PTPRD: variants seen among roughly 807,000 people sequenced by gnomAD.
PTPRD encodes the protein protein tyrosine phosphatase receptor type D.
In PTPRD, 34 loss-of-function variants were observed where a neutral mutation model predicts 214.5. That is an observed-to-expected ratio of 0.16 (90% CI 0.12 to 0.21). The LOEUF (loss-of-function observed/expected upper bound fraction) is 0.21. Ranked by LOEUF, PTPRD falls within the 10% of genes least tolerant of loss-of-function variation. The probability of loss-of-function intolerance (pLI) is 1.00; values close to 1 mark genes in which losing one functional copy is unlikely to be tolerated. For synonymous variants in PTPRD, 1,128 were observed against 845.7 expected, an observed-to-expected ratio of 1.33 and a Z score of -5.79; for missense variants, 2,545 against 2,398.7, an observed-to-expected ratio of 1.06 and a Z score of -1.27.
rs1409506558 is a variant in PTPRD, at chr9:10,276,886, A to G, written c.-545+64077T>C. 2.6e-5 allele frequency among the ~76,000 whole-genome samples: 4 copies of G among 152,224 alleles called. No individual in the cohort carries two copies. The East Asian group carries it at 5.8e-4, about 22-fold the overall frequency. On this transcript the variant is annotated intron_variant, in intron 3 of 45. Coordinates refer to ENST00000381196, the MANE Select transcript of PTPRD (RefSeq NM_002839.4). ...TTCTCTGCTCTTCTTTGAGTACACA[A>G]ACTATACAAAGTTTGGTACAATCAG... is the stretch of plus-strand genomic sequence containing the variant.
intron 11 of PTPRD, among the ~76,000 whole-genome samples, chr9:8,848,860 G>C (rs1316234485): frequency 7.7e-6 from 1 of 130,364 alleles, no homozygotes; most frequent in South Asian, 2.4e-4. Context: ...TCTGTGAAAT[G>C]ATGATAATAA....
At chr9:9,509,944 A>G (rs187596465) in intron 8 of PTPRD, among the ~76,000 whole-genome samples, 126 of 151,768 alleles carry the variant, frequency 8.3e-4, no homozygotes, top group Middle Eastern at 3.4e-3. Flanking sequence ...TTCCATTTCC[A>G]ACTGGCTGCC....
chr9:9,705,143 T>A (rs1347335834), intron 7 of PTPRD, among the ~76,000 whole-genome samples: 1 of 152,214 alleles, frequency 6.6e-6, no homozygotes, highest in Non-Finnish European at 1.5e-5. Context: ...CATACTTGGC[T>A]GAATCTTTGC....
chr9:8,882,866 C>T (rs1407588255), intron 11 of PTPRD, among the ~76,000 whole-genome samples: 4 of 111,742 alleles, frequency 3.6e-5, no homozygotes, highest in South Asian at 3.1e-4. Context: ...GCCTGGGTGA[C>T]GGAGCAAGGC....
rs543074497 is a variant in PTPRD, at chr9:10,510,898, C to G, written c.-600+101500G>C. 2.2e-4 allele frequency among the ~76,000 whole-genome samples: 33 copies of G among 152,272 alleles called. No individual in the cohort carries two copies. The East Asian group carries it at 5.4e-3, about 25-fold the overall frequency. ...CCTCTGGTAATCACCATTCTATTCA[C>G]TACCTCCATGAGATGAATACTTTTA... On this transcript the variant is annotated intron_variant, in intron 2 of 45. Coordinates refer to ENST00000381196, the MANE Select transcript of PTPRD (RefSeq NM_002839.4).
At chr9:8,790,918 C>T (rs1222664622) in intron 11 of PTPRD, among the ~76,000 whole-genome samples, 1 of 152,192 alleles carries the variant, frequency 6.6e-6, no homozygotes, top group Non-Finnish European at 1.5e-5. Context: ...TCAACCGCCA[C>T]GTGTGGTTAC....
chr9:8,503,971 A>T (rs1264059264), intron 23 of PTPRD, among the ~76,000 whole-genome samples: 1 of 152,224 alleles, frequency 6.6e-6, no homozygotes, highest in Admixed American at 6.5e-5. Context: ...GTAATTCATT[A>T]AACAGGGCTT....
chr9:9,549,347 A>G (rs1287746888), intron 8 of PTPRD, among the ~76,000 whole-genome samples: 3 of 152,094 alleles, frequency 2.0e-5, no homozygotes, highest in Non-Finnish European at 4.4e-5. Context: ...AGACAATCCA[A>G]TTTTTAAATG....
chr9:9,377,176 T>C (rs1010903849), intron 9 of PTPRD, among the ~76,000 whole-genome samples: 8 of 152,090 alleles, frequency 5.3e-5, no homozygotes, highest in African/African-American at 1.9e-4. Flanking sequence ...CATAAACTAA[T>C]CATGTATGCA....
chr9:9,324,161 T>G (rs1203383725), intron 9 of PTPRD, among the ~76,000 whole-genome samples: 1 of 152,230 alleles, frequency 6.6e-6, no homozygotes, highest in African/African-American at 2.4e-5. Flanking sequence ...CGTGTGCATG[T>G]GTCTTTATAG....
chr9:8,615,254 C>A (rs189927060), intron 14 of PTPRD, among the ~76,000 whole-genome samples: 5 of 152,030 alleles, frequency 3.3e-5, no homozygotes, highest in Admixed American at 6.6e-5. Context: ...TGGGAGCCCA[C>A]GGCTCAGAGA....
At chr9:10,338,916 C>G (rs1289700332) in intron 3 of PTPRD, among the ~76,000 whole-genome samples, 1 of 150,808 alleles carries the variant, frequency 6.6e-6, no homozygotes, top group African/African-American at 2.4e-5. Flanking sequence ...TAAAGAGGAC[C>G]TGGGGTCATA....
chr9:8,543,153 A>T (rs142181639), intron 14 of PTPRD, among the ~76,000 whole-genome samples: 202 of 152,324 alleles, frequency 1.3e-3, no homozygotes, highest in African/African-American at 4.5e-3. Context: ...ATAAGATGAT[A>T]CTCAGAAGCG....
At chr9:10,418,472 C>A (rs542066386) in intron 2 of PTPRD, among the ~76,000 whole-genome samples, 1 of 150,172 alleles carries the variant, frequency 6.7e-6, no homozygotes, top group African/African-American at 2.5e-5. Flanking sequence ...CACACACACA[C>A]ACACACACAC....
At chr9:10,327,714 T>A (rs2096670263) in intron 3 of PTPRD, among the ~76,000 whole-genome samples, 1 of 151,744 alleles carries the variant, frequency 6.6e-6, no homozygotes, top group Non-Finnish European at 1.5e-5. Flanking sequence ...TTTTTTCCAC[T>A]TTCCAAACCT....
At chr9:10,506,734 C>T (rs1163661905) in intron 2 of PTPRD, among the ~76,000 whole-genome samples, 1 of 152,054 alleles carries the variant, frequency 6.6e-6, no homozygotes, top group African/African-American at 2.4e-5. Flanking sequence ...TTCAGTTTAT[C>T]TTTCATGGCC....
intron 10 of PTPRD, among the ~76,000 whole-genome samples, chr9:9,029,879 T>C (rs1033036130): frequency 1.3e-5 from 2 of 151,970 alleles, no homozygotes; most frequent in East Asian, 1.9e-4. Context: ...ATGAAAGACA[T>C]TTGATGACCA....
intron 7 of PTPRD, among the ~76,000 whole-genome samples, chr9:9,577,943 G>T (rs1041833311): frequency 2.1e-5 from 3 of 146,080 alleles, no homozygotes; most frequent in Non-Finnish European, 4.5e-5. Flanking sequence ...GTACTTGGGA[G>T]ACTGAGGCCA....
At chr9:9,714,456 A>T (rs1194414405) in intron 7 of PTPRD, among the ~76,000 whole-genome samples, 1 of 152,184 alleles carries the variant, frequency 6.6e-6, no homozygotes, top group African/African-American at 2.4e-5. Context: ...GCATACACAT[A>T]TACAAAATGA....
Sources: allele counts gnomAD v4.1 joint callset (sites outside exome capture counted in the v4.1 genomes callset), GRCh38; gene constraint gnomAD v4.1.1; transcripts MANE v1.5; gene names NCBI Gene and HGNC (gene_info 2026-07-23, HGNC 2026-07-21).